Variants in MAST2 observed in about 807,000 individuals in gnomAD.
MAST2 encodes microtubule associated serine/threonine kinase 2, also known as microtubule-associated serine/threonine-protein kinase 2.
MAST2 carries 70 observed loss-of-function variants against 147.4 expected under a neutral mutation model. That is an observed-to-expected ratio of 0.47 (90% CI 0.39 to 0.58). MAST2 has a LOEUF of 0.58. Among genes scored for constraint, MAST2 ranks in the 20% least tolerant of loss-of-function variants. MAST2 has a pLI of 0.00. For missense variants in MAST2, 2,080 were observed against 2,302.3 expected, an observed-to-expected ratio of 0.90 and a Z score of 1.98; for synonymous variants, 869 against 896.8, an observed-to-expected ratio of 0.97 and a Z score of 0.55.
At chr1:45,804,183 T>C in intron 1 of MAST2, 111 bp downstream of exon 1, 1 of 1,212,628 alleles carries the variant, frequency 8.2e-7, no homozygotes, top group South Asian at 3.8e-5. Flanking sequence ...TCTGAGTAGT[T>C]CGCGGGGAGG....
At chr1:45,898,835 A>G (rs1252922776) in intron 4 of MAST2, among the ~76,000 whole-genome samples, 1 of 152,060 alleles carries the variant, frequency 6.6e-6, no homozygotes, top group African/African-American at 2.4e-5. Context: ...ACTTTTTTTC[A>G]GGGACTGAGT....
At chr1:45,947,137 A>G (rs1483015675) in intron 4 of MAST2, among the ~76,000 whole-genome samples, 2 of 152,084 alleles carry the variant, frequency 1.3e-5, no homozygotes, top group Non-Finnish European at 2.9e-5. Flanking sequence ...TTCCTTGTCC[A>G]AATAAAGGGA....
chr1:45,982,009 G>A (rs917543670), intron 5 of MAST2, among the ~76,000 whole-genome samples: 1 of 151,990 alleles, frequency 6.6e-6, no homozygotes, highest in African/African-American at 2.4e-5. Context: ...ACCACGCCCA[G>A]CTAATTTTTT....
chr1:45,942,495 T>C (rs1657444867), intron 4 of MAST2, among the ~76,000 whole-genome samples: 1 of 152,234 alleles, frequency 6.6e-6, no homozygotes, highest in Non-Finnish European at 1.5e-5. Context: ...TCGGTGCTTG[T>C]ACACCATTTC....
rs751693373 is a variant in MAST2 at position 46,035,449 on chromosome 1, A to G, written c.4780A>G (p.Ser1594Gly). 4 of 1,613,220 alleles carry G rather than the reference A, an allele frequency of 2.5e-6. No homozygotes were observed. Among genetic ancestry groups the G allele is most frequent in the Non-Finnish European group, 2.5e-6 (3 of 1,179,894 alleles). Residue 1594 changes from serine (S) to glycine (G), a missense_variant, in exon 29 of 29, where the codon AGC becomes GGC. Physicochemically the swap from Ser to Gly is moderately conservative, Grantham distance 56. Transcript: ENST00000361297. This position sits in a 1 kb window ranked among gnomAD's most constrained non-coding sequence, Gnocchi z 5.5. ...GSPQAIEEAA[S>G]SSSAGPNLGQ... ...CCCACAAGCCATTGAGGAGGCTGCC[A>G]GCTCCTCCTCAGCAGGCCCCAACCT...
chr1:46,010,571 A>T (rs1336635240), intron 9 of MAST2, among the ~76,000 whole-genome samples, 159 bp from the exon 10 acceptor site: 1 of 152,200 alleles, frequency 6.6e-6, no homozygotes, highest in Non-Finnish European at 1.5e-5. Context: ...CTTGAAGGTG[A>T]TCTATTAATG....
intron 5 of MAST2, among the ~76,000 whole-genome samples, chr1:45,965,892 C>G (rs1425822205): frequency 6.6e-6 from 1 of 152,068 alleles, no homozygotes; most frequent in Non-Finnish European, 1.5e-5. Context: ...GACACATCAC[C>G]CAGGCACTAG....
chr1:45,978,023 C>T (rs935713265), intron 5 of MAST2, among the ~76,000 whole-genome samples: 3 of 151,974 alleles, frequency 2.0e-5, no homozygotes, highest in Non-Finnish European at 4.4e-5. Context: ...CGAGACCAGC[C>T]TGGGCAACAT....
In MAST2 at chr1:46,023,117, A is replaced by G; in HGVS notation, c.1486-116A>G. On this transcript the variant is annotated intron_variant, in intron 13 of 28. Coordinates refer to ENST00000361297, the MANE Select transcript of MAST2 (RefSeq NM_015112.3). This position sits in a 1 kb window ranked among gnomAD's most constrained non-coding sequence, Gnocchi z 4.9. ...GAGAAGTCATTCTACTCCCAGAAGA[A>G]TGAGCAGGAGACTGCACTAGAGCTG... is the stretch of plus-strand genomic sequence containing the variant. 1 of 1,205,554 alleles carries G rather than the reference A, an allele frequency of 8.3e-7. No homozygotes were observed. Among genetic ancestry groups the G allele is most frequent in the Non-Finnish European group, 1.2e-6 (1 of 813,692 alleles). The allele number at this position is 1,205,554 out of a possible 1,614,324, so 74.7% of individuals were successfully genotyped here.
intron 6 of MAST2, among the ~76,000 whole-genome samples, chr1:46,001,511 T>C (rs1249280427): frequency 1.3e-5 from 2 of 152,214 alleles, no homozygotes; most frequent in African/African-American, 4.8e-5. Flanking sequence ...ACTTGTTTTA[T>C]TGTGTGGTGC....
chr1:45,988,376 T>C (rs1644731627), intron 5 of MAST2, among the ~76,000 whole-genome samples: 1 of 152,234 alleles, frequency 6.6e-6, no homozygotes, highest in Non-Finnish European at 1.5e-5. Flanking sequence ...TTGTTTAGTT[T>C]ATGAATATTT....
intron 3 of MAST2, among the ~76,000 whole-genome samples, chr1:45,834,549 T>G (rs1428509071): frequency 6.6e-6 from 1 of 152,138 alleles, no homozygotes; most frequent in Non-Finnish European, 1.5e-5. Context: ...ATATTATTTA[T>G]TATATGTTCT....
intron 4 of MAST2, among the ~76,000 whole-genome samples, chr1:45,946,587 G>A (rs1360006712): frequency 1.3e-5 from 2 of 152,170 alleles, no homozygotes; most frequent in Non-Finnish European, 2.9e-5. Context: ...GCAGGAACAT[G>A]TAGCAGAGAT....
At chr1:45,942,945 G>A (rs1657518554) in intron 4 of MAST2, among the ~76,000 whole-genome samples, 1 of 152,130 alleles carries the variant, frequency 6.6e-6, no homozygotes, top group Non-Finnish European at 1.5e-5. Context: ...ACATTTCCTG[G>A]TCCCCTTTAG....
At position 45,911,834 on chromosome 1, in the gene MAST2, T is replaced by C. The variant is rs548843491; in HGVS notation, c.500+29439T>C. ...ACTTAATAAATGTTGGTTGCTGTTA[T>C]GTCATTATTATTATTGTTATATTAT... On this transcript the variant is annotated intron_variant, in intron 4 of 28. Coordinates refer to ENST00000361297, the MANE Select transcript of MAST2 (RefSeq NM_015112.3). Among the ~76,000 whole-genome samples the C allele has an allele frequency of 8.9e-5, 13 of 146,582 alleles. No individual in the cohort carries two copies. In the East Asian group the frequency reaches 2.0e-3, roughly 22 times the overall value.
chr1:46,014,034 A>G (rs1354842690), intron 10 of MAST2, among the ~76,000 whole-genome samples: 2 of 152,160 alleles, frequency 1.3e-5, no homozygotes, highest in Non-Finnish European at 2.9e-5. Context: ...AATAATCCTA[A>G]TTAGGCATTC....
chr1:45,892,933 CATA>C (rs1405630827), intron 4 of MAST2, among the ~76,000 whole-genome samples: 2 of 152,122 alleles, frequency 1.3e-5, no homozygotes, highest in Non-Finnish European at 1.5e-5. Context: ...CATAGATAAA[CATA>C]ATTTTTAGAG....
chr1:46,017,695 T>C (rs1646014380), intron 10 of MAST2, among the ~76,000 whole-genome samples: 1 of 151,954 alleles, frequency 6.6e-6, no homozygotes, highest in Non-Finnish European at 1.5e-5. Context: ...TGTGGAGAAA[T>C]AGGAACACTT....
chr1:45,814,526 A>G (rs1243085588), intron 1 of MAST2, among the ~76,000 whole-genome samples: 1 of 152,196 alleles, frequency 6.6e-6, no homozygotes, highest in East Asian at 1.9e-4. Flanking sequence ...GAAAGAAAAT[A>G]TTTTGTATAA....
Sources: allele counts gnomAD v4.1 joint callset (sites outside exome capture counted in the v4.1 genomes callset), GRCh38; gene constraint gnomAD v4.1.1; non-coding constraint Gnocchi (gnomAD v3.1); transcripts MANE v1.5; gene names NCBI Gene and HGNC (gene_info 2026-07-23, HGNC 2026-07-21).